The following GPC6 variants were observed in gnomAD, a reference collection of about 807,000 sequenced individuals.
GPC6 encodes the protein glypican-6.
Under a neutral mutation model 55.2 loss-of-function variants are expected in GPC6, and 14 were observed. The ratio of observed to expected loss-of-function variants is 0.25; its 90% CI spans 0.17 to 0.40. The LOEUF (loss-of-function observed/expected upper bound fraction) is 0.40, where lower values mean the gene tolerates loss of function less well. GPC6 is among the 10% of genes least tolerant of loss of function. GPC6 has a pLI of 1.00. For missense variants in GPC6, 641 were observed against 708.5 expected (o/e 0.90, Z 1.08); for synonymous variants, 278 against 259.6 (o/e 1.07, Z -0.68).
At chr13:94,165,383 T>C (rs570984942) in intron 4 of GPC6, among the ~76,000 whole-genome samples, 253 of 151,888 alleles carry the variant, frequency 1.7e-3, no homozygotes, top group African/African-American at 5.7e-3. Flanking sequence ...CTAAGTGAAG[T>C]AACTCAGGAA....
At chr13:93,890,303 G>A (rs187071451) in intron 3 of GPC6, among the ~76,000 whole-genome samples, 2 of 152,054 alleles carry the variant, frequency 1.3e-5, no homozygotes, top group Non-Finnish European at 2.9e-5. Context: ...GTAATTTCTT[G>A]TAGCCATGCA....
rs980744486 is a variant in GPC6 at position 93,340,417 on chromosome 13, T to C, written c.160+112801T>C. Among the ~76,000 whole-genome samples the C allele has an allele frequency of 5.3e-5, 8 of 152,226 alleles. No homozygotes were observed. In the South Asian group the frequency reaches 1.2e-3, roughly 24 times the overall value. On this transcript the variant is annotated intron_variant, in intron 1 of 8. Coordinates refer to ENST00000377047, the MANE Select transcript of GPC6 (RefSeq NM_005708.5). Reference sequence around the variant, plus strand: ...ACAATATTAGGGACAAAGTCCACACTTTTATAGGTCTTGTATTTTAACTGA... The same window carrying C: ...ACAATATTAGGGACAAAGTCCACACCTTTATAGGTCTTGTATTTTAACTGA...
chr13:93,366,263 G>A (rs1217188547), intron 1 of GPC6, among the ~76,000 whole-genome samples: 3 of 152,052 alleles, frequency 2.0e-5, no homozygotes, highest in Admixed American at 2.0e-4. Context: ...ATATTTGAAA[G>A]CAAATAGAAG....
At chr13:93,364,729 G>GTATA (rs1244572831) in intron 1 of GPC6, among the ~76,000 whole-genome samples, 1 of 150,086 alleles carries the variant, frequency 6.7e-6, no homozygotes, top group African/African-American at 2.5e-5. Context: ...ACACATATAT[G>GTATA]TATATATATA....
At position 94,272,582 on chromosome 13, in the gene GPC6, C is replaced by T. The variant is rs755281361; in HGVS notation, c.878-13767C>T. 9.8e-4 allele frequency among the ~76,000 whole-genome samples: 148 copies of T among 150,534 alleles called. 2 individuals are homozygous for T. Among genetic ancestry groups the T allele is most frequent in the Non-Finnish European group, 1.6e-3 (107 of 67,826 alleles). On this transcript the variant is annotated intron_variant, in intron 4 of 8. Transcript: ENST00000377047. ...CTCCCAGGTTCATGCCATTCTCTTGCCTCAGCCTCCCAAGTAGCTGGGACC... is the reference window on the plus strand; with the variant it reads ...CTCCCAGGTTCATGCCATTCTCTTGTCTCAGCCTCCCAAGTAGCTGGGACC...
intron 2 of GPC6, among the ~76,000 whole-genome samples, chr13:93,812,218 G>A (rs1302058392): frequency 4.0e-5 from 6 of 151,720 alleles, no homozygotes; most frequent in African/African-American, 1.2e-4. Context: ...GTGAAACCCT[G>A]TCTCTACTAA....
chr13:93,267,532 C>A (rs1877365318), intron 1 of GPC6, among the ~76,000 whole-genome samples: 1 of 151,990 alleles, frequency 6.6e-6, no homozygotes, highest in Non-Finnish European at 1.5e-5. Context: ...ATTCCTTTGC[C>A]CTTACCTTTG....
At chr13:93,790,642 G>A (rs992831732) in intron 2 of GPC6, among the ~76,000 whole-genome samples, 2 of 151,966 alleles carry the variant, frequency 1.3e-5, no homozygotes, top group Non-Finnish European at 2.9e-5. Context: ...TTTACCATAG[G>A]CCTAATGTAT....
At chr13:93,732,924 G>GT (rs893737955) in intron 2 of GPC6, among the ~76,000 whole-genome samples, 7 of 149,046 alleles carry the variant, frequency 4.7e-5, no homozygotes, top group Admixed American at 6.6e-5. Flanking sequence ...ATTTTACGTT[G>GT]TTTTTTTTCT....
chr13:93,449,551 G>A (rs1047229118), intron 1 of GPC6, among the ~76,000 whole-genome samples: 3 of 152,164 alleles, frequency 2.0e-5, no homozygotes, highest in Non-Finnish European at 4.4e-5. Context: ...ACTGTAGGCC[G>A]GGCGCGGTGC....
chr13:94,176,428 G>A (rs1016586640), intron 4 of GPC6, among the ~76,000 whole-genome samples: 1 of 152,102 alleles, frequency 6.6e-6, no homozygotes, highest in Admixed American at 6.6e-5. Context: ...CATAGACATA[G>A]CAGAACCGAT....
chr13:93,464,675 A>G (rs1057459781), intron 1 of GPC6, among the ~76,000 whole-genome samples: 1 of 152,080 alleles, frequency 6.6e-6, no homozygotes, highest in African/African-American at 2.4e-5. Context: ...CAAGTCATCT[A>G]TGAGGGTTGG....
intron 3 of GPC6, among the ~76,000 whole-genome samples, chr13:93,889,413 G>T (rs905568630): frequency 1.3e-5 from 2 of 152,056 alleles, no homozygotes; most frequent in Non-Finnish European, 1.5e-5. Context: ...TTGGAAACAC[G>T]TTTATAGTAC....
At chr13:94,254,578 T>C (rs1243676228) in intron 4 of GPC6, among the ~76,000 whole-genome samples, 1 of 152,090 alleles carries the variant, frequency 6.6e-6, no homozygotes, top group Non-Finnish European at 1.5e-5. Flanking sequence ...AAGAAACAGT[T>C]GATTGATGTC....
intron 2 of GPC6, among the ~76,000 whole-genome samples, chr13:93,715,922 C>T (rs1421056339): frequency 1.3e-5 from 2 of 151,544 alleles, no homozygotes; most frequent in Non-Finnish European, 3.0e-5. Context: ...CCTGTCTATT[C>T]TAGATATCAT....
chr13:94,361,485 T>G (rs1157821223), intron 6 of GPC6, among the ~76,000 whole-genome samples: 1 of 152,382 alleles, frequency 6.6e-6, no homozygotes, highest in East Asian at 1.9e-4. Context: ...CCAGGCACAG[T>G]TCTTTATACA....
At chr13:93,417,156 T>C (rs1876730168) in intron 1 of GPC6, among the ~76,000 whole-genome samples, 1 of 152,150 alleles carries the variant, frequency 6.6e-6, no homozygotes, top group African/African-American at 2.4e-5. Context: ...TGAAAAACAG[T>C]GGCATGAGAA....
chr13:94,067,571 G>GATT (rs1416915481), intron 4 of GPC6, among the ~76,000 whole-genome samples: 64 of 147,574 alleles, frequency 4.3e-4, no homozygotes, highest in African/African-American at 1.5e-3. Context: ...GAGATAGATA[G>GATT]ATAGATTATA....
intron 4 of GPC6, among the ~76,000 whole-genome samples, chr13:94,210,345 C>T (rs1009394865): frequency 6.0e-5 from 9 of 151,200 alleles, no homozygotes; most frequent in African/African-American, 9.7e-5. Flanking sequence ...TTAGTAGAGA[C>T]GGGGTTTCAC....
Sources: gnomAD v4.1 joint callset for allele counts (sites outside exome capture counted in the v4.1 genomes callset) on GRCh38, gnomAD v4.1.1 for gene constraint, MANE v1.5 for transcripts, NCBI Gene and HGNC (gene_info 2026-07-23, HGNC 2026-07-21) for gene names.